Variants in TRIM54 observed in about 807,000 individuals in gnomAD.
The protein encoded by TRIM54 is tripartite motif-containing protein 54.
A neutral mutation model predicts 42.0 loss-of-function variants in TRIM54; 40 were observed. That is an observed-to-expected ratio of 0.95 (90% CI 0.74 to 1.24). The LOEUF (loss-of-function observed/expected upper bound fraction) is 1.24, where lower values mean the gene tolerates loss of function less well. Ranked by LOEUF, TRIM54 falls within the 50% of genes most tolerant of loss-of-function variation. TRIM54 has a pLI of 0.00. For missense variants in TRIM54, 485 were observed against 480.3 expected, an observed-to-expected ratio of 1.01 and a Z score of -0.09; for synonymous variants, 199 against 194.9, an observed-to-expected ratio of 1.02 and a Z score of -0.17.
chr2:27,284,112 G>A lies in TRIM54; in HGVS notation c.168+1213G>A, dbSNP rs113745450. 8.0e-3 allele frequency among the ~76,000 whole-genome samples: 1,219 copies of A among 152,180 alleles called. 21 individuals carry two copies. The highest frequency in any genetic ancestry group is 0.028 in the African/African-American group (1,145 of 41,498). On this transcript the variant is annotated intron_variant, in intron 1 of 8. Coordinates refer to ENST00000380075, the MANE Select transcript of TRIM54 (RefSeq NM_187841.3). ...CATGCCACTGCACTCTGACCTGGGC[G>A]ACAGAGCAAGACTCCATCTCAAAAA...
At chr2:27,300,557 T>C (rs920205137) in intron 3 of TRIM54, among the ~76,000 whole-genome samples, 4 of 150,494 alleles carry the variant, frequency 2.7e-5, no homozygotes, top group African/African-American at 9.7e-5. Context: ...ATACTACTAA[T>C]AATAATATTT....
chr2:27,282,923 G>A (rs770308554), intron 1 of TRIM54, 24 bp downstream of exon 1: 2 of 1,593,970 alleles, frequency 1.3e-6, no homozygotes, highest in African/African-American at 1.3e-5. Flanking sequence ...ACGGGGCAGG[G>A]CCAGGTAAAG....
chr2:27,298,760 G>T, intron 2 of TRIM54, 21 bp downstream of exon 2: 6 of 1,611,310 alleles, frequency 3.7e-6, no homozygotes, highest in Non-Finnish European at 5.1e-6. Flanking sequence ...AGAGTCTCTT[G>T]CCTCTCTCAT....
rs1160742244 is a variant in TRIM54 at position 27,306,096 on chromosome 2, T to TA, written c.860_861insA (p.Asn288GlnfsTer2). The stretch of plus-strand genomic sequence containing the variant: ...TCCCTGCAGCAGGCCAAGGAGCTGA[T>TA]CAATAAGTGAGTAGGCATAGCGGGA... On this transcript the variant is annotated frameshift_variant, in exon 6 of 9. Coordinates refer to ENST00000380075, the MANE Select transcript of TRIM54 (RefSeq NM_187841.3). LOFTEE classifies it high-confidence loss of function. This position sits in a 1 kb window ranked among gnomAD's most constrained non-coding sequence, Gnocchi z 6.1. The TA allele has an allele frequency of 6.2e-6, 10 of 1,613,894 alleles. No individual in the cohort carries two copies. Among genetic ancestry groups the TA allele is most frequent in the Non-Finnish European group, 8.5e-6 (10 of 1,180,030 alleles).
intron 1 of TRIM54, among the ~76,000 whole-genome samples, chr2:27,283,784 G>GCACACACACACACA (rs3073589): frequency 2.8e-4 from 37 of 132,172 alleles, no homozygotes; most frequent in Non-Finnish European, 3.9e-4. Context: ...ACACACGCGC[G>GCACACACACACACA]CACACACACA....
chr2:27,287,527 AT>A (rs141360941), intron 1 of TRIM54, among the ~76,000 whole-genome samples: 75 of 145,368 alleles, frequency 5.2e-4, no homozygotes, highest in African/African-American at 1.2e-3. Context: ...TTTTAAACTG[AT>A]TTTTTTTTTC....
intron 1 of TRIM54, among the ~76,000 whole-genome samples, chr2:27,283,919 G>C (rs1678482481): frequency 6.6e-6 from 1 of 152,134 alleles, no homozygotes; most frequent in African/African-American, 2.4e-5. Flanking sequence ...CAGATCACGA[G>C]GTCAGGAGTT....
intron 3 of TRIM54, among the ~76,000 whole-genome samples, chr2:27,303,548 T>TA (rs776985705): frequency 0.024 from 3,337 of 138,812 alleles, 119 homozygotes; most frequent in African/African-American, 0.081. Context: ...AGACTCCGTC[T>TA]AAAAAAAAAA....
intron 1 of TRIM54, among the ~76,000 whole-genome samples, chr2:27,283,797 C>A (rs769650931): frequency 9.3e-5 from 14 of 150,768 alleles, no homozygotes; most frequent in Middle Eastern, 6.8e-3. Flanking sequence ...CACACACACA[C>A]ACACACACAC....
intron 1 of TRIM54, among the ~76,000 whole-genome samples, chr2:27,290,682 T>C (rs1463741888): frequency 1.3e-5 from 2 of 152,144 alleles, no homozygotes; most frequent in African/African-American, 2.4e-5. Context: ...ATGATAAGCA[T>C]ACATTATTTT....
intron 1 of TRIM54, among the ~76,000 whole-genome samples, chr2:27,283,772 A>ACGCGCGCGCGCGCG (rs1413594548): frequency 7.1e-5 from 8 of 112,088 alleles, no homozygotes; most frequent in African/African-American, 2.0e-4. Flanking sequence ...AGGCACACAC[A>ACGCGCGCGCGCGCG]CACACACGCG....
In TRIM54 at chr2:27,307,186, A is replaced by C; in HGVS notation, c.*301A>C. On this transcript the variant is annotated 3_prime_UTR_variant, in exon 9 of 9. Coordinates refer to ENST00000380075, the MANE Select transcript of TRIM54 (RefSeq NM_187841.3). The surrounding 1 kb of genome is among the most constrained non-coding windows in gnomAD (Gnocchi z 6.9). ...AACTGGTGAGCCCAGCGCCCTGGGA[A>C]GAGGGCCGAGGGCGGGGCGGTGGTG... 3 of 372,640 alleles carry C rather than the reference A, an allele frequency of 8.1e-6. No individual in the cohort carries two copies. Among genetic ancestry groups the C allele is most frequent in the Non-Finnish European group, 1.5e-5 (3 of 202,898 alleles). The allele number at this position is 372,640 out of a possible 1,614,324, so 23.1% of individuals were successfully genotyped here. A position where few individuals can be genotyped will look rare whatever the true frequency, so the allele number is the denominator to read the frequency against.
intron 1 of TRIM54, among the ~76,000 whole-genome samples, chr2:27,290,594 C>T (rs1488123261): frequency 6.6e-6 from 1 of 152,042 alleles, no homozygotes; most frequent in East Asian, 1.9e-4. Context: ...TGCAGTGAGC[C>T]GAGATTGTGC....
rs1360434924 is a variant in TRIM54, at chr2:27,306,187, C to T, written c.867-26C>T. The T allele has an allele frequency of 3.1e-6, 5 of 1,613,892 alleles. No homozygotes were observed. Among genetic ancestry groups the T allele is most frequent in the Non-Finnish European group, 4.2e-6 (5 of 1,180,026 alleles). On this transcript the variant is annotated intron_variant, in intron 6 of 8. Coordinates refer to ENST00000380075, the MANE Select transcript of TRIM54 (RefSeq NM_187841.3). The surrounding 1 kb of genome is among the most constrained non-coding windows in gnomAD (Gnocchi z 6.1). ...GGGCTTGAGAGTGCTGGGGCATTGC[C>T]AGCTGAGTCCGTGTGGCCACTGCAG...
At chr2:27,285,708 C>T (rs532820875) in intron 1 of TRIM54, among the ~76,000 whole-genome samples, 13 of 152,196 alleles carry the variant, frequency 8.5e-5, no homozygotes, top group Non-Finnish European at 1.5e-4. Flanking sequence ...TCCATATCCA[C>T]CATTCAGATT....
rs769676493 is a variant in TRIM54 at position 27,305,571 on chromosome 2, C to A, written c.610-13C>A. On this transcript the variant is annotated splice_polypyrimidine_tract_variant and intron_variant, in intron 4 of 8. Transcript: ENST00000380075. ...AGCCACGCCTTCCCTCATCCTTGCT[C>A]CCCATCTTTTAGGACAATAGCCGGA... is the stretch of plus-strand genomic sequence containing the variant. The A allele has an allele frequency of 2.5e-6, 4 of 1,608,274 alleles. No individual in the cohort carries two copies. Among genetic ancestry groups the A allele is most frequent in the Admixed American group, 3.3e-5 (2 of 59,780 alleles).
At chr2:27,294,889 CAAAAAAAA>C (rs57097129) in intron 1 of TRIM54, among the ~76,000 whole-genome samples, 4 of 52,826 alleles carry the variant, frequency 7.6e-5, no homozygotes, top group Admixed American at 2.5e-4. Context: ...GACTCCATCT[CAAAAAAAA>C]AAAAAAAAAA....
chr2:27,301,485 GAGGT>G (rs1679035326), intron 3 of TRIM54, among the ~76,000 whole-genome samples: 1 of 152,164 alleles, frequency 6.6e-6, no homozygotes, highest in African/African-American at 2.4e-5. Context: ...TGCTAAACAA[GAGGT>G]AGATTATTCA....
Position 27,306,741 on chromosome 2 carries a change from CCG to C in TRIM54, c.*2-144_*2-143del, listed in dbSNP as rs952828618. The C allele has an allele frequency of 1.5e-5, 9 of 612,308 alleles. No homozygotes were observed. The highest frequency in any genetic ancestry group is 3.1e-5 in the Admixed American group (1 of 32,396). 37.9% of individuals were successfully genotyped at this position (612,308 alleles called of 1,614,324 possible). ...CGGAAAAGTACACTTTCCTCCTCAC[CCG>C]CTGTTCCTCTGGGGTGCTGGGAGGG... is the stretch of plus-strand genomic sequence containing the variant. On this transcript the variant is annotated intron_variant, in intron 8 of 8. Coordinates refer to ENST00000380075, the MANE Select transcript of TRIM54 (RefSeq NM_187841.3). This position sits in a 1 kb window ranked among gnomAD's most constrained non-coding sequence, Gnocchi z 6.1.
Sources: gnomAD v4.1 joint callset for allele counts (sites outside exome capture counted in the v4.1 genomes callset) on GRCh38, gnomAD v4.1.1 for gene constraint, Gnocchi (gnomAD v3.1) non-coding constraint, MANE v1.5 for transcripts, NCBI Gene and HGNC (gene_info 2026-07-23, HGNC 2026-07-21) for gene names.